Variants in AHNAK observed in about 807,000 individuals in gnomAD.
AHNAK encodes the protein AHNAK nucleoprotein.
AHNAK carries 23 observed loss-of-function variants against 37.8 expected under a neutral mutation model. The observed-to-expected ratio is 0.61, with a 90% CI of 0.44 to 0.86. The LOEUF is 0.86. Among genes scored for constraint, AHNAK ranks in the 40% least tolerant of loss-of-function variants. The pLI is 0.00. For synonymous variants in AHNAK, 2,481 were observed against 2,636.3 expected, an observed-to-expected ratio of 0.94 and a Z score of 1.80; for missense variants, 7,411 against 7,319.4, an observed-to-expected ratio of 1.01 and a Z score of -0.46.
At chr11:62,535,905 C>T (rs770613537) in intron 3 of AHNAK, 40 bp downstream of exon 3, 3 of 1,580,256 alleles carry the variant, frequency 1.9e-6, no homozygotes, top group African/African-American at 1.4e-5. Flanking sequence ...CACCGACCCC[C>T]CAACCACCAG....
chr11:62,531,543 A>G lies in AHNAK; in HGVS notation c.2874T>C (p.Pro958=). The G allele has an allele frequency of 6.2e-7, 1 of 1,614,050 alleles. No individual in the cohort carries two copies. The change falls in exon 5 of 5, where the codon CCT becomes CCC. Residue 958 remains proline (P), a synonymous_variant. Coordinates refer to ENST00000378024, the MANE Select transcript of AHNAK (RefSeq NM_001620.3). ...TCATATCATATTCTCCCTTTACTTT[A>G]GGACCTTTCATATGCAAGTCCACAT... ...MPDVDLHMKG[P]KVKGEYDMTV...
At chr11:62,505,859 T>C (rs1939801713) in intron 4 of AHNAK, among the ~76,000 whole-genome samples, 1 of 151,408 alleles carries the variant, frequency 6.6e-6, no homozygotes, top group Admixed American at 6.6e-5. Context: ...CTTGCTTTCT[T>C]CTTCTCCAGC....
In AHNAK at chr11:62,521,665, T is replaced by C. The variant is rs1266030640; in HGVS notation, c.12752A>G (p.Asn4251Ser). Residue 4251 changes from asparagine to serine, a missense_variant, in exon 5 of 5, where the codon AAC (asparagine) becomes AGC (serine). Asn to Ser is a conservative substitution (Grantham distance 46). Transcript: ENST00000378024. ...CATGGAGATCTTGGGGGCTTTGATG[T>C]TCATCTCAGGCATCTTGAATTTAGG... The part of the protein sequence containing the change: ...KGPKFKMPEM[N>S]IKAPKISMPD... The C allele has an allele frequency of 5.6e-6, 9 of 1,613,864 alleles. No homozygotes were observed. Among genetic ancestry groups the C allele is most frequent in the African/African-American group, 2.7e-5 (2 of 74,856 alleles).
intron 1 of AHNAK, among the ~76,000 whole-genome samples, chr11:62,539,784 G>A (rs1433576940): frequency 1.3e-5 from 2 of 152,238 alleles, no homozygotes; most frequent in East Asian, 1.9e-4. Context: ...GTGGCTTCCC[G>A]GCCAGGTGGG....
intron 5 of AHNAK, among the ~76,000 whole-genome samples, chr11:62,456,209 A>G (rs1048103995): frequency 6.6e-6 from 1 of 152,144 alleles, no homozygotes; most frequent in Non-Finnish European, 1.5e-5. Context: ...AGCCTCCAGA[A>G]TGGTGACAAA....
At chr11:62,541,206 G>A (rs981799029) in intron 1 of AHNAK, among the ~76,000 whole-genome samples, 1 of 152,210 alleles carries the variant, frequency 6.6e-6, no homozygotes, top group Admixed American at 6.5e-5. Flanking sequence ...CAAACCTGAG[G>A]ACAAGATACA....
chr11:62,438,467 A>G (rs1181032607), intron 5 of AHNAK, among the ~76,000 whole-genome samples: 1 of 152,174 alleles, frequency 6.6e-6, no homozygotes, highest in Non-Finnish European at 1.5e-5. Flanking sequence ...GGCATGAGCC[A>G]TCGCACCTGG....
intron 5 of AHNAK, among the ~76,000 whole-genome samples, chr11:62,468,891 C>T (rs1938973683): frequency 6.6e-6 from 1 of 152,196 alleles, no homozygotes; most frequent in South Asian, 2.1e-4. Flanking sequence ...TCTTTTCTGT[C>T]TTTAAAGTTA....
At chr11:62,488,222 C>A (rs7946258) in intron 5 of AHNAK, among the ~76,000 whole-genome samples, 22,043 of 152,086 alleles carry the variant, frequency 0.14, 3,930 homozygotes, top group African/African-American at 0.42. Flanking sequence ...GGGGTCAAAT[C>A]CCAATTCCCT....
At chr11:62,466,046 G>A (rs1565203654) in intron 5 of AHNAK, among the ~76,000 whole-genome samples, 2 of 152,078 alleles carry the variant, frequency 1.3e-5, no homozygotes, top group Non-Finnish European at 2.9e-5. Context: ...TGGGCCGGGT[G>A]TGGTGGCTCA....
chr11:62,544,284 C>T (rs1023505118), intron 1 of AHNAK, among the ~76,000 whole-genome samples: 2 of 152,180 alleles, frequency 1.3e-5, no homozygotes, highest in African/African-American at 2.4e-5. Flanking sequence ...CACCCCTGGC[C>T]CTGGACCATG....
chr11:62,521,095 T>A lies in AHNAK; in HGVS notation c.13322A>T (p.Lys4441Ile), dbSNP rs781392949. 1 of 1,614,060 alleles carries A rather than the reference T, an allele frequency of 6.2e-7. No individual in the cohort carries two copies. Among genetic ancestry groups the A allele is most frequent in the South Asian group, 1.1e-5 (1 of 91,066 alleles). The change falls in exon 5 of 5, where the codon AAA becomes ATA. Residue 4441 changes from lysine to isoleucine, a missense_variant. Transcript: ENST00000378024. ...PDVNIEGPEG[K>I]LKGPKFKMPE... is the part of the protein sequence containing the mutation. ...CATCTTAAATTTGGGCCCCTTCAAT[T>A]TTCCTTCCGGACCTTCAATATTGAC...
In AHNAK at chr11:62,520,400, C is replaced by G; in HGVS notation, c.14017G>C (p.Asp4673His). 1 of 1,613,726 alleles carries G rather than the reference C, an allele frequency of 6.2e-7. No homozygotes were observed. Among genetic ancestry groups the G allele is most frequent in the Non-Finnish European group, 8.5e-7 (1 of 1,179,966 alleles). ...PGFKGEGPDVDVNLPKADIDV... is the reference protein window; with the variant it reads ...PGFKGEGPDVHVNLPKADIDV... ...ATGTCAGCCTTGGGCAGGTTCACAT[C>G]CACATCTGGGCCCTCTCCTTTGAAG... Residue 4673 changes from aspartate to histidine, a missense_variant, in exon 5 of 5, where the codon GAT (aspartate) becomes CAT (histidine). Transcript: ENST00000378024.
chr11:62,511,259 G>C (rs1364211729), downstream of AHNAK, among the ~76,000 whole-genome samples: 2 of 146,496 alleles, frequency 1.4e-5, no homozygotes, highest in African/African-American at 5.0e-5. Flanking sequence ...TTTTTTGCTT[G>C]TTTGTTTGTT....
intron 1 of AHNAK, among the ~76,000 whole-genome samples, chr11:62,545,354 C>T (rs1473461150): frequency 1.3e-5 from 2 of 152,214 alleles, no homozygotes; most frequent in Admixed American, 6.5e-5. Flanking sequence ...CCCCTCCGCA[C>T]CCCTCCCAGC....
At chr11:62,511,269 T>G (rs1411513955), downstream of AHNAK, among the ~76,000 whole-genome samples, 5 of 152,090 alleles carry the variant, frequency 3.3e-5, no homozygotes, top group Non-Finnish European at 7.4e-5. Context: ...GTTTGTTTGT[T>G]TTGAGACGAG....
intron 4 of AHNAK, among the ~76,000 whole-genome samples, chr11:62,492,492 CGT>C (rs1939520966): frequency 6.6e-6 from 1 of 152,178 alleles, no homozygotes; most frequent in African/African-American, 2.4e-5. Flanking sequence ...GAAACCAGTT[CGT>C]GGAGAACTAT....
At chr11:62,443,384 T>C (rs1187297575) in intron 5 of AHNAK, among the ~76,000 whole-genome samples, 1 of 151,170 alleles carries the variant, frequency 6.6e-6, no homozygotes, top group African/African-American at 2.4e-5. Context: ...GCGATTCTCC[T>C]GCCTCAGCCT....
At chr11:62,442,879 A>AT (rs1387696146) in intron 5 of AHNAK, among the ~76,000 whole-genome samples, 1 of 152,030 alleles carries the variant, frequency 6.6e-6, no homozygotes, top group African/African-American at 2.4e-5. Flanking sequence ...CAAAAAAAAA[A>AT]GGAAAATATT....
Sources: allele counts gnomAD v4.1 joint callset (sites outside exome capture counted in the v4.1 genomes callset), GRCh38; gene constraint gnomAD v4.1.1; transcripts MANE v1.5; gene names NCBI Gene and HGNC (gene_info 2026-07-23, HGNC 2026-07-21).